Variants in DCC observed in about 807,000 individuals in gnomAD.
DCC encodes DCC netrin 1 receptor, also known as netrin receptor DCC.
In DCC, 58 loss-of-function variants were observed where a neutral mutation model predicts 172.5. The observed-to-expected ratio is 0.34, with a 90% CI of 0.27 to 0.42. DCC has a LOEUF of 0.42. Among genes scored for constraint, DCC ranks in the 10% least tolerant of loss-of-function variants. The pLI, the probability that DCC is intolerant of heterozygous loss-of-function variation, is 1.00. For missense variants in DCC, 1,740 were observed against 1,791.0 expected, an observed-to-expected ratio of 0.97 and a Z score of 0.51; for synonymous variants, 709 against 644.5, an observed-to-expected ratio of 1.10 and a Z score of -1.52.
chr18:52,916,215 T>C (rs1294245793), intron 3 of DCC, among the ~76,000 whole-genome samples: 2 of 152,062 alleles, frequency 1.3e-5, no homozygotes, highest in East Asian at 3.8e-4. Context: ...CTACCTTTTT[T>C]TTTTTTTTCT....
At chr18:53,483,798 T>C (rs1379086140) in intron 25 of DCC, among the ~76,000 whole-genome samples, 1 of 151,902 alleles carries the variant, frequency 6.6e-6, no homozygotes, top group Non-Finnish European at 1.5e-5. Context: ...CAATGGCATA[T>C]AGCGTAAAAT....
At chr18:52,390,378 A>G (rs1985984837) in intron 1 of DCC, among the ~76,000 whole-genome samples, 1 of 152,064 alleles carries the variant, frequency 6.6e-6, no homozygotes, top group South Asian at 2.1e-4. Context: ...ATGGGCACAG[A>G]AGGGACAGCT....
chr18:52,341,832 C>T (rs922783592), intron 1 of DCC, among the ~76,000 whole-genome samples: 1 of 152,030 alleles, frequency 6.6e-6, no homozygotes, highest in Non-Finnish European at 1.5e-5. Flanking sequence ...CACTGGGGTA[C>T]AGTGAGCGGT....
chr18:52,567,089 C>T (rs1314069911), intron 1 of DCC, among the ~76,000 whole-genome samples: 1 of 151,842 alleles, frequency 6.6e-6, no homozygotes, highest in Non-Finnish European at 1.5e-5. Flanking sequence ...TATATTGGAC[C>T]CTATGAAGCG....
intron 1 of DCC, among the ~76,000 whole-genome samples, chr18:52,721,070 C>T (rs745860845): frequency 6.1e-4 from 93 of 152,272 alleles, no homozygotes; most frequent in African/African-American, 2.1e-3. Context: ...TGTATGATCC[C>T]TACAGATAAT....
At chr18:53,145,393 A>G (rs569606654) in intron 7 of DCC, among the ~76,000 whole-genome samples, 7 of 152,140 alleles carry the variant, frequency 4.6e-5, no homozygotes, top group South Asian at 4.2e-4. Flanking sequence ...GATTACAGGC[A>G]TGAGCCACCG....
chr18:53,449,073 G>A (rs935141169), intron 22 of DCC, among the ~76,000 whole-genome samples: 1 of 152,120 alleles, frequency 6.6e-6, no homozygotes, highest in Admixed American at 6.5e-5. Context: ...ACAGATGGAG[G>A]CACTGAGGTA....
intron 7 of DCC, among the ~76,000 whole-genome samples, chr18:53,077,408 AGT>A (rs778654300): frequency 8.5e-4 from 130 of 152,236 alleles, no homozygotes; most frequent in Non-Finnish European, 1.7e-3. Flanking sequence ...CCTGGTCATA[AGT>A]GTGAGTTAAA....
chr18:53,084,662 T>G (rs1211819525), intron 7 of DCC, among the ~76,000 whole-genome samples: 1 of 152,070 alleles, frequency 6.6e-6, no homozygotes, highest in African/African-American at 2.4e-5. Flanking sequence ...CCTCTTTAAG[T>G]AGGAAAAGGC....
At chr18:53,135,205 G>A (rs1195600118) in intron 7 of DCC, among the ~76,000 whole-genome samples, 2 of 152,064 alleles carry the variant, frequency 1.3e-5, no homozygotes, top group Non-Finnish European at 2.9e-5. Flanking sequence ...GGTTTCTAGG[G>A]TGGAATTTCA....
At chr18:53,450,708 G>A in intron 23 of DCC, 46 bp downstream of exon 23, 1 of 1,506,950 alleles carries the variant, frequency 6.6e-7, no homozygotes, top group Non-Finnish European at 9.2e-7. Context: ...ATTGTCTTTT[G>A]GGGTTATATT....
At chr18:52,745,039 G>A (rs1036174795) in intron 1 of DCC, among the ~76,000 whole-genome samples, 1 of 152,160 alleles carries the variant, frequency 6.6e-6, no homozygotes, top group Non-Finnish European at 1.5e-5. Context: ...TTTGCTTAAT[G>A]GGGTAAGGCC....
chr18:53,456,172 C>G (rs2045480322), intron 23 of DCC, among the ~76,000 whole-genome samples: 1 of 152,120 alleles, frequency 6.6e-6, no homozygotes. Flanking sequence ...GGAAGGTTCC[C>G]TGAAGGAGAG....
At chr18:53,357,305 T>A (rs1599060514) in intron 15 of DCC, among the ~76,000 whole-genome samples, 1 of 152,172 alleles carries the variant, frequency 6.6e-6, no homozygotes, top group African/African-American at 2.4e-5. Context: ...ATAGGTCTTT[T>A]ATCCTGTGGA....
intron 3 of DCC, among the ~76,000 whole-genome samples, chr18:52,917,815 C>T (rs1429519788): frequency 6.6e-6 from 1 of 152,160 alleles, no homozygotes. Flanking sequence ...ACATTTTCTC[C>T]CCAATAGGGA....
chr18:53,485,994 A>G (rs1460154586), intron 25 of DCC, among the ~76,000 whole-genome samples: 1 of 152,092 alleles, frequency 6.6e-6, no homozygotes, highest in African/African-American at 2.4e-5. Context: ...AGCTGACTTA[A>G]ATTTTGCTTT....
intron 25 of DCC, among the ~76,000 whole-genome samples, chr18:53,472,876 C>G (rs951840682): frequency 2.0e-5 from 3 of 152,156 alleles, no homozygotes; most frequent in African/African-American, 7.2e-5. Context: ...TTTTTAAAAA[C>G]GTTTTTAGCA....
chr18:53,491,986 T>A (rs1178305515), intron 26 of DCC, among the ~76,000 whole-genome samples: 1 of 152,212 alleles, frequency 6.6e-6, no homozygotes, highest in African/African-American at 2.4e-5. Context: ...GTTTCCTGAC[T>A]TTTTAATGAT....
At chr18:52,867,938 C>A (rs1296456268) in intron 2 of DCC, among the ~76,000 whole-genome samples, 1 of 151,660 alleles carries the variant, frequency 6.6e-6, no homozygotes, top group Non-Finnish European at 1.5e-5. Context: ...TAAGGCTAAC[C>A]ATTACATTAT....
Sources: allele counts gnomAD v4.1 joint callset (sites outside exome capture counted in the v4.1 genomes callset), GRCh38; gene constraint gnomAD v4.1.1; transcripts MANE v1.5; gene names NCBI Gene and HGNC (gene_info 2026-07-23, HGNC 2026-07-21).